DPP8: variants seen among roughly 807,000 people sequenced by gnomAD.
DPP8 encodes the protein DPP VIII.
A neutral mutation model predicts 107.5 loss-of-function variants in DPP8; 31 were observed. That is an observed-to-expected ratio of 0.29 (90% CI 0.22 to 0.39). The LOEUF (loss-of-function observed/expected upper bound fraction) is 0.39. Among genes scored for constraint, DPP8 ranks in the 10% least tolerant of loss-of-function variants. The probability of loss-of-function intolerance (pLI) is 1.00; values close to 1 mark genes in which losing one functional copy is unlikely to be tolerated. For synonymous variants in DPP8, 381 were observed against 356.6 expected, an observed-to-expected ratio of 1.07 and a Z score of -0.77; for missense variants, 842 against 1,076.1, an observed-to-expected ratio of 0.78 and a Z score of 3.04.
chr15:65,489,580 AT>A (rs67109112), intron 6 of DPP8, among the ~76,000 whole-genome samples: 88,794 of 125,444 alleles, frequency 0.71, 31,792 homozygotes, highest in Middle Eastern at 0.75. Flanking sequence ...TGCCCAGCTA[AT>A]TTTTTTTTTT....
intron 15 of DPP8, among the ~76,000 whole-genome samples, chr15:65,459,954 C>CAAA: frequency 7.6e-6 from 1 of 130,898 alleles, no homozygotes; most frequent in East Asian, 2.2e-4. Context: ...GACTCCATCT[C>CAAA]AAAAAAAAAA....
At chr15:65,487,149 CCTT>C (rs921571436) in intron 7 of DPP8, among the ~76,000 whole-genome samples, 10 of 151,740 alleles carry the variant, frequency 6.6e-5, no homozygotes, top group African/African-American at 1.9e-4. Flanking sequence ...AGCAAAGACA[CCTT>C]CTTTTTTTTT....
chr15:65,490,370 G>T, intron 5 of DPP8, 71 bp from the exon 6 acceptor site: 1 of 959,914 alleles, frequency 1.0e-6, no homozygotes, highest in Non-Finnish European at 1.7e-6. Context: ...AAATGATTCA[G>T]TTTATTTGGA....
chr15:65,507,375 TTTA>T lies in DPP8; in HGVS notation c.260-23_260-21del, dbSNP rs747920023. The stretch of plus-strand genomic sequence containing the variant: ...ACATGGCTATAGGAGAAAGCAATCA[TTTA>T]TTATTATTTTTTCGAATAGCATTCT... On this transcript the variant is annotated intron_variant, in intron 2 of 19. Coordinates refer to ENST00000300141, the MANE Select transcript of DPP8 (RefSeq NM_130434.5). The T allele has an allele frequency of 1.4e-6, 2 of 1,470,828 alleles. No homozygotes were observed. Among genetic ancestry groups the T allele is most frequent in the Admixed American group, 1.8e-5 (1 of 55,936 alleles). The allele number at this position is 1,470,828 out of a possible 1,614,324, so 91.1% of individuals were successfully genotyped here.
Position 65,467,059 on chromosome 15 carries a change from C to G in DPP8, c.1689+12G>C, listed in dbSNP as rs1567172866. 1 of 1,613,158 alleles carries G rather than the reference C, an allele frequency of 6.2e-7. No homozygotes were observed. The highest frequency in any genetic ancestry group is 1.7e-5 in the Admixed American group (1 of 59,742). On this transcript the variant is annotated intron_variant, in intron 13 of 19. Coordinates refer to ENST00000300141, the MANE Select transcript of DPP8 (RefSeq NM_130434.5). ...AATATGACACAAAACCCTTTTTAAACAAACTTAATACCTGACTGATGCAGC... is the reference window on the plus strand; with the variant it reads ...AATATGACACAAAACCCTTTTTAAAGAAACTTAATACCTGACTGATGCAGC...
chr15:65,448,884 A>ATATC (rs2063729856), intron 19 of DPP8, among the ~76,000 whole-genome samples: 1 of 43,520 alleles, frequency 2.3e-5, no homozygotes, highest in African/African-American at 1.3e-4. Context: ...ATATATATAT[A>ATATC]TATATATATA....
chr15:65,498,724 T>C (rs1291851003), intron 4 of DPP8, among the ~76,000 whole-genome samples: 1 of 152,092 alleles, frequency 6.6e-6, no homozygotes, highest in Non-Finnish European at 1.5e-5. Context: ...AAAAATGTAA[T>C]AGAAGCCAGG....
At position 65,451,949 on chromosome 15, in the gene DPP8, C is replaced by G; in HGVS notation, c.2414+11G>C. The G allele has an allele frequency of 6.6e-7, 1 of 1,507,046 alleles. No homozygotes were observed. The highest frequency in any genetic ancestry group is 8.9e-7 in the Non-Finnish European group (1 of 1,121,892). The allele number at this position is 1,507,046 out of a possible 1,614,324, so 93.4% of individuals were successfully genotyped here. A position where few individuals can be genotyped will look rare whatever the true frequency, so the allele number is the denominator to read the frequency against. On this transcript the variant is annotated intron_variant, in intron 18 of 19. Transcript: ENST00000300141. ...CAATTTAAAAAAAAAAAAAAAAAAG[C>G]TTGCACTTACTCAGAGGGGAACTTT...
intron 11 of DPP8, 71 bp downstream of exon 11, chr15:65,478,809 A>G (rs894327844): frequency 1.9e-5 from 20 of 1,067,000 alleles, no homozygotes; most frequent in Middle Eastern, 2.0e-4. Context: ...TGCAAAAGAT[A>G]CATTCCCCTG....
intron 3 of DPP8, among the ~76,000 whole-genome samples, chr15:65,503,096 A>G (rs76091397): frequency 0.056 from 8,479 of 152,120 alleles, 812 homozygotes; most frequent in African/African-American, 0.19. Context: ...CAATCTTGAA[A>G]CACCATTAAT....
chr15:65,473,590 G>A (rs1020085592), intron 12 of DPP8, among the ~76,000 whole-genome samples: 1 of 152,026 alleles, frequency 6.6e-6, no homozygotes, highest in Non-Finnish European at 1.5e-5. Context: ...GATCGTCTGA[G>A]CCTGGGAGGT....
At chr15:65,507,193 G>A (rs777541449) in intron 3 of DPP8, 50 bp downstream of exon 3, 3 of 1,023,204 alleles carry the variant, frequency 2.9e-6, no homozygotes, top group South Asian at 1.6e-5. Flanking sequence ...AATAAATGCA[G>A]TATCTGAATA....
In DPP8 at chr15:65,499,105, G is replaced by GTATA. The variant is rs139177822; in HGVS notation, c.547-1077_547-1074dup. ...TGTGTGTGTGTGTGTGTGTGTGTGT[G>GTATA]TATATATAAATTTATTAAGATGAAT... On this transcript the variant is annotated intron_variant, in intron 4 of 19. Coordinates refer to ENST00000300141, the MANE Select transcript of DPP8 (RefSeq NM_130434.5). Among the ~76,000 whole-genome samples the GTATA allele has an allele frequency of 3.1e-3, 427 of 138,812 alleles. 1 individual carries two copies. Among genetic ancestry groups the GTATA allele is most frequent in the African/African-American group, 9.5e-3 (357 of 37,650 alleles). The allele number at this position is 138,812 out of a possible 152,430, so 91.1% of individuals were successfully genotyped here. A position where few individuals can be genotyped will look rare whatever the true frequency, so the allele number is the denominator to read the frequency against.
At position 65,467,115 on chromosome 15, in the gene DPP8, T is replaced by C; in HGVS notation, c.1645A>G (p.Arg549Gly). 1 of 1,614,190 alleles carries C rather than the reference T, an allele frequency of 6.2e-7. No individual in the cohort carries two copies. Among genetic ancestry groups the C allele is most frequent in the Non-Finnish European group, 8.5e-7 (1 of 1,180,034 alleles). ...TGTGAGTAGCCACGGTCAGTCAGCC[T>C]TGTCACCTCTCCAGGATTTACGTAA... is the stretch of plus-strand genomic sequence containing the variant. The part of the protein sequence containing the change: ...VSYVNPGEVT[R>G]LTDRGYSHSC... Residue 549 changes from arginine to glycine, a missense_variant, in exon 13 of 20, where the codon AGG (arginine) becomes GGG (glycine). Physicochemically the swap from Arg to Gly is moderately radical, Grantham distance 125. Around this residue, in one of 2 missense-constraint regions of DPP8, gnomAD observed 663 missense variants for 758.0 expected, o/e 0.87. Coordinates refer to ENST00000300141, the MANE Select transcript of DPP8 (RefSeq NM_130434.5).
At chr15:65,494,641 A>T (rs1278178841) in intron 5 of DPP8, among the ~76,000 whole-genome samples, 1 of 52,022 alleles carries the variant, frequency 1.9e-5, no homozygotes, top group Non-Finnish European at 4.1e-5. Flanking sequence ...TGTCTCAAAA[A>T]AATTGAAAAA....
chr15:65,500,901 A>T, intron 3 of DPP8, 122 bp from the exon 4 acceptor site: 1 of 720,570 alleles, frequency 1.4e-6, no homozygotes, highest in Non-Finnish European at 2.2e-6. Flanking sequence ...TTTTTGAGAC[A>T]GAGTTTCACT....
chr15:65,497,817 T>C, intron 5 of DPP8, 47 bp downstream of exon 5: 1 of 1,354,708 alleles, frequency 7.4e-7, no homozygotes, highest in Non-Finnish European at 9.7e-7. Flanking sequence ...AAATTATACT[T>C]CAAAAAATAC....
chr15:65,474,178 C>A (rs1268950395), intron 12 of DPP8, 31 bp downstream of exon 12: 1 of 1,468,066 alleles, frequency 6.8e-7, no homozygotes, highest in South Asian at 1.1e-5. Flanking sequence ...GTAATACTGA[C>A]CAAACATATC....
chr15:65,494,646 G>GAAAAAAAAAAAA (rs5813355), intron 5 of DPP8, among the ~76,000 whole-genome samples: 1 of 114,350 alleles, frequency 8.7e-6, no homozygotes, highest in Non-Finnish European at 1.7e-5. Flanking sequence ...CAAAAAAATT[G>GAAAAAAAAAAAA]AAAAAAAAAA....
Sources: gnomAD v4.1 joint callset for allele counts (sites outside exome capture counted in the v4.1 genomes callset) on GRCh38, gnomAD v4.1.1 for gene constraint, gnomAD v4.1.1 regional missense constraint, MANE v1.5 for transcripts, NCBI Gene and HGNC (gene_info 2026-07-23, HGNC 2026-07-21) for gene names.